DPH6: variants seen among roughly 807,000 people sequenced by gnomAD.
DPH6 encodes diphthine--ammonia ligase.
In DPH6, 33 loss-of-function variants were observed where a neutral mutation model predicts 38.2. The ratio of observed to expected loss-of-function variants is 0.86; its 90% confidence interval spans 0.65 to 1.15. DPH6 has a LOEUF of 1.15. DPH6 is among the 50% of genes most tolerant of loss of function. The pLI is 0.00. For missense variants in DPH6, 325 were observed against 320.0 expected, an observed-to-expected ratio of 1.02 and a Z score of -0.12; for synonymous variants, 108 against 103.0, an observed-to-expected ratio of 1.05 and a Z score of -0.30.
At chr15:35,358,928 G>A (rs1488906837) in intron 3 of DPH6, among the ~76,000 whole-genome samples, 1 of 152,108 alleles carries the variant, frequency 6.6e-6, no homozygotes, top group Admixed American at 6.5e-5. Flanking sequence ...CTAGTGGTGG[G>A]TAGGGCCCTA....
chr15:35,365,163 CTATCAT>C (rs1412918390), intron 3 of DPH6, among the ~76,000 whole-genome samples: 1 of 152,040 alleles, frequency 6.6e-6, no homozygotes, highest in South Asian at 2.1e-4. Flanking sequence ...GGGCTTAAAT[CTATCAT>C]TATAAGTACT....
At chr15:35,171,732 T>C in the DPH6 span, among the ~76,000 whole-genome samples, 6 of 152,170 alleles carry the variant, frequency 3.9e-5, no homozygotes, top group South Asian at 1.2e-3. Flanking sequence ...GATTTTGAAA[T>C]ACTTGGGAAT....
chr15:35,508,818 T>C (rs1453014199), intron 3 of DPH6, among the ~76,000 whole-genome samples: 2 of 152,160 alleles, frequency 1.3e-5, no homozygotes, highest in African/African-American at 4.8e-5. Context: ...TTAAAGTAGA[T>C]TATTCTTTTA....
At chr15:35,472,309 G>T (rs570315165) in intron 3 of DPH6, among the ~76,000 whole-genome samples, 5 of 152,298 alleles carry the variant, frequency 3.3e-5, no homozygotes, top group African/African-American at 9.6e-5. Flanking sequence ...TCCTTTGCCT[G>T]CTGGGACAAA....
chr15:35,170,837 G>T, the DPH6 span, among the ~76,000 whole-genome samples: 1 of 152,168 alleles, frequency 6.6e-6, no homozygotes, highest in African/African-American at 2.4e-5. Context: ...AGTCTCCCAT[G>T]CTGCTTATGT....
intron 3 of DPH6, chr15:35,521,600 C>T (rs2054923657): frequency 8.1e-7 from 1 of 1,228,524 alleles, no homozygotes; most frequent in African/African-American, 1.6e-5. Context: ...TGCTTTTCAT[C>T]TACCACAGGA....
Position 35,476,095 on chromosome 15 carries a change from A to C in DPH6, c.313-21275T>G, listed in dbSNP as rs192951952. On this transcript the variant is annotated intron_variant, in intron 3 of 8. Transcript: ENST00000256538. ...ATTTTAAAAAATATATGGCCATTTC[A>C]AATTATAAAAACCATTTGTTGATCT... 1.3e-3 allele frequency among the ~76,000 whole-genome samples: 200 copies of C among 151,988 alleles called. 1 individual carries two copies. Among genetic ancestry groups the C allele is most frequent in the Admixed American group, 2.4e-3 (37 of 15,266 alleles).
At chr15:35,203,629 GAATA>G in the DPH6 span, among the ~76,000 whole-genome samples, 11 of 151,614 alleles carry the variant, frequency 7.3e-5, no homozygotes, top group Admixed American at 1.3e-4. Context: ...CTGATATGCA[GAATA>G]AATAAATAGC....
Position 35,237,937 on chromosome 15 carries a change from G to A in DPH6, n.201-17355C>T, listed in dbSNP as rs989976321. The A allele has an allele frequency of 2.9e-6, 4 of 1,401,118 alleles. No individual in the cohort carries two copies. In the African/African-American group the frequency reaches 4.3e-5, roughly 15 times the overall value. 86.8% of individuals were successfully genotyped at this position (1,401,118 alleles called of 1,614,324 possible). On this transcript the variant is annotated intron_variant and non_coding_transcript_variant, in intron 3 of 3. Coordinates refer to the DPH6 transcript ENST00000560386. ...AGGAGGACGTGAGTGGAGAGGAGGA[G>A]GAGGATGAAAAAGGTTATAACGATG...
intron 6 of DPH6, chr15:35,401,204 A>G: frequency 5.8e-6 from 7 of 1,216,934 alleles, no homozygotes; most frequent in Non-Finnish European, 8.4e-6. Context: ...TCAAACCAAG[A>G]GATGGCTAGT....
intron 3 of DPH6, among the ~76,000 whole-genome samples, chr15:35,276,295 AT>A (rs959004865): frequency 4.6e-5 from 7 of 151,796 alleles, no homozygotes; most frequent in Non-Finnish European, 1.0e-4. Context: ...GTTTTTTCTT[AT>A]TAATTTGTTT....
intron 3 of DPH6, among the ~76,000 whole-genome samples, chr15:35,233,819 C>T (rs893137542): frequency 2.0e-5 from 3 of 152,288 alleles, no homozygotes; most frequent in African/African-American, 4.8e-5. Context: ...TTCTTGCAGT[C>T]GTACTTAATA....
At chr15:35,423,968 C>T (rs549819952) in intron 5 of DPH6, among the ~76,000 whole-genome samples, 2 of 151,634 alleles carry the variant, frequency 1.3e-5, no homozygotes, top group African/African-American at 2.4e-5. Context: ...TTTCATTACC[C>T]TAGCTTTATA....
chr15:35,404,942 T>G (rs2053271656), intron 6 of DPH6, among the ~76,000 whole-genome samples: 1 of 152,182 alleles, frequency 6.6e-6, no homozygotes. Flanking sequence ...TTTCTGCATA[T>G]AGATGTCTAG....
chr15:35,273,405 C>T (rs1037063597), intron 3 of DPH6, among the ~76,000 whole-genome samples: 9 of 152,112 alleles, frequency 5.9e-5, no homozygotes, highest in Non-Finnish European at 1.0e-4. Flanking sequence ...TGAGAAAATA[C>T]GATGTTTGGT....
chr15:35,345,632 C>T (rs1009727509), intron 3 of DPH6, among the ~76,000 whole-genome samples: 4 of 151,778 alleles, frequency 2.6e-5, no homozygotes, highest in African/African-American at 7.2e-5. Context: ...AGATACTACT[C>T]GATAATTTTT....
chr15:35,520,243 A>G, intron 3 of DPH6: 4 of 866,152 alleles, frequency 4.6e-6, no homozygotes, highest in Non-Finnish European at 5.5e-6. Flanking sequence ...AAAAAAAACA[A>G]AAGAAGAAGA....
At chr15:35,359,452 C>G (rs547252473) in intron 3 of DPH6, among the ~76,000 whole-genome samples, 33 of 152,302 alleles carry the variant, frequency 2.2e-4, no homozygotes, top group African/African-American at 7.5e-4. Context: ...TTGCTTCTCT[C>G]TGTGTAGTTT....
chr15:35,413,750 T>C (rs972791015), intron 5 of DPH6, among the ~76,000 whole-genome samples: 1 of 151,732 alleles, frequency 6.6e-6, no homozygotes, highest in Non-Finnish European at 1.5e-5. Flanking sequence ...TTGAGTTTAA[T>C]CATTTTATAT....
Sources: allele counts gnomAD v4.1 joint callset (sites outside exome capture counted in the v4.1 genomes callset), GRCh38; gene constraint gnomAD v4.1.1; transcripts MANE v1.5; gene names NCBI Gene and HGNC (gene_info 2026-07-23, HGNC 2026-07-21).